SUGT1: variants seen among roughly 807,000 people sequenced by gnomAD.
The protein encoded by SUGT1 is protein SGT1 homolog.
In SUGT1, 15 loss-of-function variants were observed where a neutral mutation model predicts 56.1. The ratio of observed to expected loss-of-function variants is 0.27; its 90% CI spans 0.18 to 0.41. SUGT1 has a LOEUF of 0.41. SUGT1 is among the 10% of genes least tolerant of loss of function. The probability of loss-of-function intolerance (pLI) is 1.00; values close to 1 mark genes in which losing one functional copy is unlikely to be tolerated. For missense variants in SUGT1, 347 were observed against 382.2 expected (o/e 0.91, Z 0.77); for synonymous variants, 123 against 128.6 (o/e 0.96, Z 0.30).
At position 52,695,683 on chromosome 13, in the gene SUGT1, C is replaced by CT. The variant is rs1566208353; in HGVS notation, c.*7850dup. ...CCAGCCAAAATTTTTGGCCACATCTCTTGTCACTGCTTTGCTGTGTACTAA... is the reference window on the plus strand; with the variant it reads ...CCAGCCAAAATTTTTGGCCACATCTCTTTGTCACTGCTTTGCTGTGTACTAA... On this transcript the variant is annotated 3_prime_UTR_variant, in exon 13 of 13. Transcript: ENST00000310528. 6.6e-6 allele frequency: 1 copy of CT among 152,216 alleles called. No homozygotes were observed. The highest frequency in any genetic ancestry group is 1.5e-5 in the Non-Finnish European group (1 of 68,032). 9.4% of individuals were successfully genotyped at this position (152,216 alleles called of 1,614,324 possible). A position where few individuals can be genotyped will look rare whatever the true frequency, so the allele number is the denominator to read the frequency against.
intron 10 of SUGT1, among the ~76,000 whole-genome samples, chr13:52,668,510 T>C (rs1367041644): frequency 1.3e-5 from 2 of 152,138 alleles, no homozygotes; most frequent in South Asian, 2.1e-4. Flanking sequence ...TGCCTACTTA[T>C]TTGAAGATTG....
Position 52,691,121 on chromosome 13 carries a change from C to G in SUGT1, c.*3286C>G, listed in dbSNP as rs1380256971. On this transcript the variant is annotated 3_prime_UTR_variant, in exon 13 of 13. Coordinates refer to ENST00000310528, the MANE Select transcript of SUGT1 (RefSeq NM_006704.5). Reference sequence around the variant, plus strand: ...TCTCAGCCTCCCAAGTAGCTGGGACCACAGGCATGCATCACCACGACTGGC... The same window carrying G: ...TCTCAGCCTCCCAAGTAGCTGGGACGACAGGCATGCATCACCACGACTGGC... The G allele has an allele frequency of 6.6e-6, 1 of 151,958 alleles. No individual in the cohort carries two copies. The highest frequency in any genetic ancestry group is 1.5e-5 in the Non-Finnish European group (1 of 67,994). The allele number at this position is 151,958 out of a possible 1,614,324, so 9.4% of individuals were successfully genotyped here.
chr13:52,667,686 A>G (rs1208199477), intron 10 of SUGT1, among the ~76,000 whole-genome samples: 1 of 152,208 alleles, frequency 6.6e-6, no homozygotes, highest in Non-Finnish European at 1.5e-5. Flanking sequence ...AAGTAGAGAT[A>G]TACAACAGAA....
intron 10 of SUGT1, among the ~76,000 whole-genome samples, chr13:52,668,520 G>T (rs1393459365): frequency 6.6e-6 from 1 of 152,148 alleles, no homozygotes; most frequent in Non-Finnish European, 1.5e-5. Context: ...TTTGAAGATT[G>T]TCAAGAACAA....
At chr13:52,683,788 A>G (rs1277511530) in intron 12 of SUGT1, among the ~76,000 whole-genome samples, 4 of 152,186 alleles carry the variant, frequency 2.6e-5, no homozygotes, top group African/African-American at 7.2e-5. Flanking sequence ...TGTTCCAATT[A>G]TCTATTTCAT....
At chr13:52,664,582 C>G (rs1305098902) in intron 8 of SUGT1, among the ~76,000 whole-genome samples, 1 of 152,164 alleles carries the variant, frequency 6.6e-6, no homozygotes, top group African/African-American at 2.4e-5. Flanking sequence ...AGCCGTTGAT[C>G]TGGAGCTTTG....
chr13:52,678,651 GAA>G (rs200030833), intron 11 of SUGT1, among the ~76,000 whole-genome samples: 1,593 of 148,900 alleles, frequency 0.011, 28 homozygotes, highest in African/African-American at 0.037. Context: ...ATGAAAAAAA[GAA>G]TATAAAATAT....
intron 10 of SUGT1, among the ~76,000 whole-genome samples, chr13:52,674,713 A>G (rs1963075581): frequency 6.6e-6 from 1 of 152,214 alleles, no homozygotes. Flanking sequence ...TTTCATAGGA[A>G]AAAAACATGA....
chr13:52,678,802 C>G (rs553013539), intron 11 of SUGT1, among the ~76,000 whole-genome samples: 1 of 151,560 alleles, frequency 6.6e-6, no homozygotes, highest in East Asian at 1.9e-4. Context: ...CCCAACCTTC[C>G]GAGTAGCTGG....
chr13:52,659,724 G>A (rs1489194761), intron 5 of SUGT1, among the ~76,000 whole-genome samples: 1 of 145,644 alleles, frequency 6.9e-6, no homozygotes, highest in African/African-American at 2.5e-5. Flanking sequence ...ATATTCTTGA[G>A]GGAATATATG....
Position 52,664,073 on chromosome 13 carries a change from T to G in SUGT1, c.422+16T>G. 6.2e-7 allele frequency: 1 copy of G among 1,611,912 alleles called. No homozygotes were observed. The highest frequency in any genetic ancestry group is 1.1e-5 in the South Asian group (1 of 90,902). On this transcript the variant is annotated intron_variant, in intron 8 of 12. Coordinates refer to ENST00000310528, the MANE Select transcript of SUGT1 (RefSeq NM_006704.5). ...CAAAAATCAAGTGAGTGTTTCTTTT[T>G]CATAAAACAATGCATGATAAATATG...
Position 52,697,488 on chromosome 13 carries a change from AGAGT to A in SUGT1, c.*9658_*9661del, listed in dbSNP as rs1963972316. The A allele has an allele frequency of 6.6e-6, 1 of 152,234 alleles. No individual in the cohort carries two copies. Among genetic ancestry groups the A allele is most frequent in the Non-Finnish European group, 1.5e-5 (1 of 68,044 alleles). 9.4% of individuals were successfully genotyped at this position (152,234 alleles called of 1,614,324 possible). On this transcript the variant is annotated 3_prime_UTR_variant, in exon 13 of 13. Coordinates refer to ENST00000310528, the MANE Select transcript of SUGT1 (RefSeq NM_006704.5). ...AGCATATGTAGCAATATGGAAACAA[AGAGT>A]GAGTCAATTTATAAGCATACCAATC...
At chr13:52,670,652 C>T (rs1246976466) in intron 10 of SUGT1, among the ~76,000 whole-genome samples, 1 of 151,992 alleles carries the variant, frequency 6.6e-6, no homozygotes, top group Non-Finnish European at 1.5e-5. Flanking sequence ...ACTAAAAATA[C>T]AAAAAATGAA....
intron 12 of SUGT1, among the ~76,000 whole-genome samples, chr13:52,686,152 T>C (rs890529708): frequency 2.6e-5 from 4 of 152,078 alleles, no homozygotes; most frequent in African/African-American, 9.7e-5. Context: ...GGTCTTGAAC[T>C]CCTGACCTCA....
intron 8 of SUGT1, among the ~76,000 whole-genome samples, chr13:52,665,165 A>G (rs1004158258): frequency 2.6e-5 from 4 of 152,068 alleles, no homozygotes; most frequent in African/African-American, 7.2e-5. Context: ...TTCCAACATC[A>G]GTTTTGAGAG....
intron 10 of SUGT1, among the ~76,000 whole-genome samples, chr13:52,668,010 C>G (rs1262061137): frequency 2.0e-5 from 3 of 151,132 alleles, no homozygotes; most frequent in Non-Finnish European, 4.4e-5. Context: ...TGTAGTCTAG[C>G]TCTGTTGCCA....
chr13:52,659,306 A>G, intron 5 of SUGT1, 57 bp downstream of exon 5: 1 of 1,119,796 alleles, frequency 8.9e-7, no homozygotes, highest in Non-Finnish European at 1.2e-6. Flanking sequence ...TAAATACCAA[A>G]GCTGAATTTT....
chr13:52,681,252 CAAA>C (rs530162235), intron 12 of SUGT1, among the ~76,000 whole-genome samples: 1 of 97,878 alleles, frequency 1.0e-5, no homozygotes, highest in Non-Finnish European at 2.2e-5. Flanking sequence ...CCTATCTCTA[CAAA>C]AAAAAAAAAA....
At chr13:52,670,523 C>T (rs569395184) in intron 10 of SUGT1, among the ~76,000 whole-genome samples, 3 of 152,110 alleles carry the variant, frequency 2.0e-5, no homozygotes, top group Non-Finnish European at 4.4e-5. Context: ...TTAGAATTCA[C>T]AAGTCGGGCA....
Sources: gnomAD v4.1 joint callset for allele counts (sites outside exome capture counted in the v4.1 genomes callset) on GRCh38, gnomAD v4.1.1 for gene constraint, MANE v1.5 for transcripts, NCBI Gene and HGNC (gene_info 2026-07-23, HGNC 2026-07-21) for gene names.